MYO16: variants seen among roughly 807,000 people sequenced by gnomAD.
The protein encoded by MYO16 is myosin XVI.
In MYO16, 94 loss-of-function variants were observed where a neutral mutation model predicts 205.3. The observed-to-expected ratio is 0.46, with a 90% CI of 0.39 to 0.54. The LOEUF (loss-of-function observed/expected upper bound fraction) is 0.54, where lower values mean the gene tolerates loss of function less well. MYO16 is among the 20% of genes least tolerant of loss of function. The pLI is 0.00. For missense variants in MYO16, 2,315 were observed against 2,387.5 expected (o/e 0.97, Z 0.63); for synonymous variants, 988 against 954.0 (o/e 1.04, Z -0.66).
chr13:108,644,798 C>A (rs1012916187), intron 1 of MYO16, among the ~76,000 whole-genome samples: 3 of 152,132 alleles, frequency 2.0e-5, no homozygotes, highest in African/African-American at 7.2e-5. Context: ...AACCCTCACA[C>A]CCATGAACAG....
At chr13:109,067,759 C>T (rs1887798929) in intron 27 of MYO16, among the ~76,000 whole-genome samples, 1 of 152,136 alleles carries the variant, frequency 6.6e-6, no homozygotes, top group Admixed American at 6.6e-5. Flanking sequence ...ATACCTCTCA[C>T]CAGCCATCCC....
intron 23 of MYO16, among the ~76,000 whole-genome samples, chr13:109,041,474 G>T (rs757876572): frequency 6.6e-6 from 1 of 152,132 alleles, no homozygotes; most frequent in Non-Finnish European, 1.5e-5. Flanking sequence ...TCCATTTAAC[G>T]TCCTTAAAGC....
intron 1 of MYO16, among the ~76,000 whole-genome samples, chr13:108,610,348 C>T (rs1879126274): frequency 6.6e-6 from 1 of 152,122 alleles, no homozygotes; most frequent in Non-Finnish European, 1.5e-5. Flanking sequence ...GCCATTTCCT[C>T]TCTTGGGCTC....
At chr13:108,861,480 T>C (rs1042112184) in intron 11 of MYO16, among the ~76,000 whole-genome samples, 11 of 152,308 alleles carry the variant, frequency 7.2e-5, no homozygotes, top group Non-Finnish European at 8.8e-5. Context: ...ATAAACAGTT[T>C]TGCACCTTTT....
At chr13:108,947,788 T>C (rs1882994651) in intron 16 of MYO16, among the ~76,000 whole-genome samples, 1 of 152,246 alleles carries the variant, frequency 6.6e-6, no homozygotes, top group East Asian at 1.9e-4. Context: ...TTTCACCAGA[T>C]GTTTTGAAAT....
chr13:108,517,626 C>G, the MYO16 span, among the ~76,000 whole-genome samples: 740 of 152,284 alleles, frequency 4.9e-3, 7 homozygotes, highest in African/African-American at 0.016. Flanking sequence ...ATCCCAAGTT[C>G]ATGATTTTAC....
intron 11 of MYO16, among the ~76,000 whole-genome samples, chr13:108,860,101 T>C (rs921622610): frequency 2.6e-5 from 4 of 152,150 alleles, no homozygotes; most frequent in African/African-American, 9.7e-5. Flanking sequence ...TACAGATTAT[T>C]TTATAACCCA....
At chr13:108,621,947 A>T (rs1448879445) in intron 1 of MYO16, among the ~76,000 whole-genome samples, 1 of 152,038 alleles carries the variant, frequency 6.6e-6, no homozygotes, top group Non-Finnish European at 1.5e-5. Context: ...ACTTTATCAT[A>T]GGAATAGTAT....
chr13:108,992,376 C>T lies in MYO16; in HGVS notation c.2370C>T (p.Ser790=). ...ATCCTGGTGTATTGTTTTGTTTCAG[C>T]ATGCAGACATTGGATATTGGAATAT... ...SCLHSQDEQK[S]MQTLDIGILD... Residue 790 remains serine (S), a splice_region_variant and synonymous_variant, in exon 21 of 35, where the codon AGC becomes AGT. Transcript: ENST00000457511. The T allele has an allele frequency of 6.2e-7, 1 of 1,606,478 alleles. No homozygotes were observed. The highest frequency in any genetic ancestry group is 8.5e-7 in the Non-Finnish European group (1 of 1,174,740).
the MYO16 span, among the ~76,000 whole-genome samples, chr13:108,557,806 C>A: frequency 6.6e-6 from 1 of 151,620 alleles, no homozygotes; most frequent in Non-Finnish European, 1.5e-5. Flanking sequence ...CTTTTAAAGG[C>A]AAAAAGGGGT....
chr13:108,865,592 T>A (rs1878675401), intron 11 of MYO16, among the ~76,000 whole-genome samples: 1 of 152,076 alleles, frequency 6.6e-6, no homozygotes, highest in Admixed American at 6.6e-5. Context: ...ATACAATTTA[T>A]AATCTTTGTA....
At chr13:108,869,400 G>A (rs1368593006) in intron 12 of MYO16, among the ~76,000 whole-genome samples, 1 of 151,864 alleles carries the variant, frequency 6.6e-6, no homozygotes, top group African/African-American at 2.4e-5. Flanking sequence ...CCACTGGTGT[G>A]TTCTCCATGT....
In MYO16 at chr13:109,167,853, A is replaced by C. The variant is rs575062288; in HGVS notation, c.5323+2794A>C. On this transcript the variant is annotated intron_variant, in intron 33 of 34. Coordinates refer to ENST00000457511, the MANE Select transcript of MYO16 (RefSeq NM_001198950.3). ...ATAACTGCCCCCCAAAAATTCCTGT[A>C]ATAATGAAAGGGAGTTAAGGATATT... is the stretch of plus-strand genomic sequence containing the variant. 2.2e-4 allele frequency among the ~76,000 whole-genome samples: 33 copies of C among 152,336 alleles called. No individual in the cohort carries two copies. In the South Asian group the frequency reaches 6.4e-3, roughly 30 times the overall value.
intron 33 of MYO16, among the ~76,000 whole-genome samples, chr13:109,165,492 G>A (rs1878615715): frequency 6.6e-6 from 1 of 152,294 alleles, no homozygotes; most frequent in South Asian, 2.1e-4. Context: ...TGGCTTGATT[G>A]CAGGTACAAA....
At chr13:108,778,571 A>T (rs1886198938) in intron 4 of MYO16, among the ~76,000 whole-genome samples, 1 of 152,180 alleles carries the variant, frequency 6.6e-6, no homozygotes, top group Admixed American at 6.5e-5. Context: ...ATCAGCCAAG[A>T]TCGCGCCACT....
intron 1 of MYO16, among the ~76,000 whole-genome samples, chr13:108,608,517 G>A (rs1362892133): frequency 6.6e-6 from 1 of 151,914 alleles, no homozygotes; most frequent in South Asian, 2.1e-4. Flanking sequence ...ACCTATTCCT[G>A]ACTTTCATGG....
At chr13:108,527,617 G>A in the MYO16 span, among the ~76,000 whole-genome samples, 1 of 152,014 alleles carries the variant, frequency 6.6e-6, no homozygotes, top group Admixed American at 6.6e-5. Flanking sequence ...AAAATTGTTT[G>A]GTAATTTGAA....
chr13:108,864,567 C>G (rs1325111906), intron 11 of MYO16, among the ~76,000 whole-genome samples: 4 of 152,060 alleles, frequency 2.6e-5, no homozygotes, highest in African/African-American at 9.7e-5. Flanking sequence ...CTCACTCTTT[C>G]ACCCAGGCTG....
intron 32 of MYO16, among the ~76,000 whole-genome samples, chr13:109,151,516 C>T (rs1877663345): frequency 6.6e-6 from 1 of 152,102 alleles, no homozygotes; most frequent in Non-Finnish European, 1.5e-5. Flanking sequence ...ACACTGACTG[C>T]GAGAGACACC....
Sources: allele counts gnomAD v4.1 joint callset (sites outside exome capture counted in the v4.1 genomes callset), GRCh38; gene constraint gnomAD v4.1.1; transcripts MANE v1.5; gene names NCBI Gene and HGNC (gene_info 2026-07-23, HGNC 2026-07-21).